The following FAM81B variants were observed in gnomAD, a reference collection of about 807,000 sequenced individuals.
The protein encoded by FAM81B is protein FAM81B.
A neutral mutation model predicts 58.7 loss-of-function variants in FAM81B; 60 were observed. The observed-to-expected ratio is 1.02, with a 90% CI of 0.83 to 1.27. The LOEUF is 1.27. Among genes scored for constraint, FAM81B ranks in the 50% most tolerant of loss-of-function variants. The pLI is 0.00. For missense variants in FAM81B, 491 were observed against 522.0 expected, an observed-to-expected ratio of 0.94 and a Z score of 0.58; for synonymous variants, 189 against 179.6, an observed-to-expected ratio of 1.05 and a Z score of -0.42.
rs375243027 is a variant in FAM81B, at chr5:95,391,430, A to G, written c.41A>G (p.Lys14Arg). 1.9e-6 allele frequency: 3 copies of G among 1,613,686 alleles called. No individual in the cohort carries two copies. The African/African-American group carries it at 4.0e-5, about 22-fold the overall frequency. Residue 14 changes from lysine to arginine, a missense_variant, in exon 1 of 10, where the codon AAA (lysine) becomes AGA (arginine). Coordinates refer to ENST00000283357, the MANE Select transcript of FAM81B (RefSeq NM_152548.3). ...QFLGTLASSE[K>R]RKKSQRLFFK... The stretch of plus-strand genomic sequence containing the variant: ...CTTGGTACATTGGCTTCCTCAGAAA[A>G]AAGAAAAAAATCACAGAGATTGTTT...
chr5:95,405,798 A>G (rs1762229613), intron 3 of FAM81B, among the ~76,000 whole-genome samples: 1 of 152,148 alleles, frequency 6.6e-6, no homozygotes, highest in African/African-American at 2.4e-5. Flanking sequence ...CCTATTCCAC[A>G]AAATAACTTC....
intron 1 of FAM81B, among the ~76,000 whole-genome samples, chr5:95,392,052 C>T (rs1328948634): frequency 1.3e-5 from 2 of 152,140 alleles, no homozygotes; most frequent in Non-Finnish European, 2.9e-5. Context: ...CACATGCACA[C>T]GTATGTTTAT....
In FAM81B at chr5:95,436,918, G is replaced by GA; in HGVS notation, c.893+14dup. The GA allele has an allele frequency of 6.3e-7, 1 of 1,595,144 alleles. No individual in the cohort carries two copies. The highest frequency in any genetic ancestry group is 8.6e-7 in the Non-Finnish European group (1 of 1,162,880). On this transcript the variant is annotated intron_variant, in intron 7 of 9. Coordinates refer to ENST00000283357, the MANE Select transcript of FAM81B (RefSeq NM_152548.3). Reference sequence around the variant, plus strand: ...CTTTTGGAATTCAAGTAAGTGAATAGAAGATTTTTAATTCTGTTAAGTGCA... The same window carrying GA: ...CTTTTGGAATTCAAGTAAGTGAATAGAAAGATTTTTAATTCTGTTAAGTGCA...
At chr5:95,393,256 T>G (rs1761876142) in intron 2 of FAM81B, among the ~76,000 whole-genome samples, 1 of 152,252 alleles carries the variant, frequency 6.6e-6, no homozygotes. Context: ...TTATTAGAAC[T>G]TGTCGTATCT....
chr5:95,404,673 C>A (rs1232667708), intron 3 of FAM81B, among the ~76,000 whole-genome samples: 4 of 152,138 alleles, frequency 2.6e-5, no homozygotes, highest in Non-Finnish European at 5.9e-5. Context: ...GTAGAGAAAT[C>A]AGTCTGTCAA....
At chr5:95,407,146 AC>A (rs1467279133) in intron 3 of FAM81B, among the ~76,000 whole-genome samples, 1 of 151,930 alleles carries the variant, frequency 6.6e-6, no homozygotes, top group East Asian at 1.9e-4. Flanking sequence ...CTAGGCCCCC[AC>A]CCCACCAGAC....
chr5:95,427,003 T>C (rs184647316), intron 5 of FAM81B, among the ~76,000 whole-genome samples: 1,809 of 152,118 alleles, frequency 0.012, 15 homozygotes, highest in Non-Finnish European at 0.017. Flanking sequence ...GAGCCGAGAT[T>C]GTGCCACTGC....
At chr5:95,411,691 G>A (rs1187800236) in intron 3 of FAM81B, among the ~76,000 whole-genome samples, 1 of 152,156 alleles carries the variant, frequency 6.6e-6, no homozygotes, top group East Asian at 1.9e-4. Flanking sequence ...TACGGCATAT[G>A]CAATTGCACA....
chr5:95,421,011 T>C (rs1178923296), intron 5 of FAM81B, among the ~76,000 whole-genome samples: 1 of 152,166 alleles, frequency 6.6e-6, no homozygotes, highest in Non-Finnish European at 1.5e-5. Flanking sequence ...CCCATCTCCA[T>C]CTGGTTAATC....
At chr5:95,396,312 C>T (rs1164838441) in intron 3 of FAM81B, 137 bp downstream of exon 3, 1 of 616,632 alleles carries the variant, frequency 1.6e-6, no homozygotes, top group East Asian at 2.9e-5. Context: ...TTTAAGTTCT[C>T]TGCATTCAGA....
intron 3 of FAM81B, among the ~76,000 whole-genome samples, chr5:95,407,644 G>A (rs542617436): frequency 4.5e-4 from 69 of 152,292 alleles, no homozygotes; most frequent in African/African-American, 1.6e-3. Context: ...TGAATTTTCA[G>A]TGTTGATGAA....
At chr5:95,407,134 T>G (rs1336782543) in intron 3 of FAM81B, among the ~76,000 whole-genome samples, 1 of 151,878 alleles carries the variant, frequency 6.6e-6, no homozygotes, top group East Asian at 1.9e-4. Flanking sequence ...ATTTCTCAGG[T>G]CCTAGGCCCC....
intron 5 of FAM81B, among the ~76,000 whole-genome samples, chr5:95,421,780 G>C (rs571565856): frequency 4.6e-5 from 7 of 152,196 alleles, no homozygotes; most frequent in African/African-American, 1.7e-4. Flanking sequence ...CAGAGTAGGG[G>C]ACAGACAACA....
intron 6 of FAM81B, among the ~76,000 whole-genome samples, chr5:95,435,785 C>T (rs1276955839): frequency 6.6e-6 from 1 of 152,112 alleles, no homozygotes; most frequent in Non-Finnish European, 1.5e-5. Context: ...TGCTCTGCTG[C>T]TTTATTTTCC....
intron 3 of FAM81B, among the ~76,000 whole-genome samples, chr5:95,402,646 A>T (rs1464164369): frequency 6.6e-6 from 1 of 152,214 alleles, no homozygotes; most frequent in Non-Finnish European, 1.5e-5. Context: ...CCAAATAGCC[A>T]CAGCATTGAA....
At chr5:95,446,798 C>T in intron 8 of FAM81B, 101 bp downstream of exon 8, 2 of 1,454,540 alleles carry the variant, frequency 1.4e-6, no homozygotes, top group South Asian at 2.5e-5. Flanking sequence ...TGGTAATCTT[C>T]ACTGCTTCAG....
At chr5:95,404,367 T>C (rs1762191756) in intron 3 of FAM81B, among the ~76,000 whole-genome samples, 1 of 152,172 alleles carries the variant, frequency 6.6e-6, no homozygotes, top group Non-Finnish European at 1.5e-5. Flanking sequence ...AAATGCAATC[T>C]GACTCACAAA....
rs999758850 is a variant in FAM81B, at chr5:95,440,960, C to T, written c.893+4054C>T. ...TGTGAGAGAGAAGAGAAGAGCAATA[C>T]TGAAAAAGTTTCCCCGTGCCACACC... On this transcript the variant is annotated intron_variant, in intron 7 of 9. Transcript: ENST00000283357. Among the ~76,000 whole-genome samples, 12 of 152,164 alleles carry T rather than the reference C, an allele frequency of 7.9e-5. 1 individual carries two copies. Among genetic ancestry groups the T allele is most frequent in the South Asian group, 6.2e-4 (3 of 4,818 alleles).
At chr5:95,414,240 T>C (rs1247405710) in intron 4 of FAM81B, 50 bp downstream of exon 4, 1 of 1,552,788 alleles carries the variant, frequency 6.4e-7, no homozygotes, top group Non-Finnish European at 8.7e-7. Flanking sequence ...TTTGGCAGCA[T>C]TGCTTGATAA....
Sources: gnomAD v4.1 joint callset for allele counts (sites outside exome capture counted in the v4.1 genomes callset) on GRCh38, gnomAD v4.1.1 for gene constraint, MANE v1.5 for transcripts, NCBI Gene and HGNC (gene_info 2026-07-23, HGNC 2026-07-21) for gene names.